The following OR9Q1 variants were observed in gnomAD, a reference collection of about 807,000 sequenced individuals.
OR9Q1 encodes olfactory receptor 9Q1.
For synonymous variants in OR9Q1, 153 were observed against 148.6 expected (o/e 1.03, Z -0.22); for missense variants, 374 against 378.8 (o/e 0.99, Z 0.11).
At chr11:58,077,299 A>G (rs1386561643) in intron 2 of OR9Q1, 5 of 152,226 alleles carry the variant, frequency 3.3e-5, no homozygotes, top group South Asian at 2.1e-4. Flanking sequence ...TCCTCCTTCA[A>G]TAGCTTAAGG....
intron 2 of OR9Q1, among the ~76,000 whole-genome samples, chr11:58,102,413 TC>T (rs910880742): frequency 2.0e-5 from 3 of 152,184 alleles, no homozygotes; most frequent in Non-Finnish European, 4.4e-5. Context: ...TCCTTTCACT[TC>T]CAGATGTAGG....
At chr11:58,120,488 C>G (rs1043262314) in intron 2 of OR9Q1, among the ~76,000 whole-genome samples, 2 of 151,562 alleles carry the variant, frequency 1.3e-5, no homozygotes, top group Non-Finnish European at 2.9e-5. Flanking sequence ...TTTTGGGGAA[C>G]AGTTGATATT....
chr11:58,149,153 C>T (rs563571098), intron 2 of OR9Q1, among the ~76,000 whole-genome samples: 12 of 152,074 alleles, frequency 7.9e-5, no homozygotes, highest in East Asian at 1.9e-4. Flanking sequence ...CTAATTCTAC[C>T]CTTACTAAAT....
chr11:58,091,059 C>G (rs1853679155), intron 2 of OR9Q1, among the ~76,000 whole-genome samples: 1 of 151,330 alleles, frequency 6.6e-6, no homozygotes, highest in South Asian at 2.1e-4. Context: ...AGTGAGTAGT[C>G]CATCTATTTT....
At chr11:58,140,710 T>C (rs574955277) in intron 2 of OR9Q1, among the ~76,000 whole-genome samples, 2 of 152,316 alleles carry the variant, frequency 1.3e-5, no homozygotes, top group South Asian at 4.1e-4. Context: ...TGGTTTGAAG[T>C]CAGGTAGCGT....
At chr11:58,037,694 T>G (rs1471317140) in intron 1 of OR9Q1, among the ~76,000 whole-genome samples, 364 of 6,236 alleles carry the variant, frequency 0.058, no homozygotes, top group African/African-American at 0.17. Flanking sequence ...TATATATTTT[T>G]TTTTTTTTTT....
chr11:58,145,453 C>T (rs1045908936), intron 2 of OR9Q1: 18 of 152,286 alleles, frequency 1.2e-4, no homozygotes, highest in African/African-American at 4.1e-4. Flanking sequence ...CCAGAAGTTT[C>T]TGCAAATCCT....
At chr11:58,032,232 T>A (rs1853048949) in intron 1 of OR9Q1, among the ~76,000 whole-genome samples, 1 of 152,090 alleles carries the variant, frequency 6.6e-6, no homozygotes, top group Non-Finnish European at 1.5e-5. Context: ...ATCAATGTCA[T>A]TTTTCACAGA....
At chr11:58,032,709 G>T (rs1447948926) in intron 1 of OR9Q1, among the ~76,000 whole-genome samples, 2 of 152,168 alleles carry the variant, frequency 1.3e-5, no homozygotes, top group Admixed American at 6.5e-5. Flanking sequence ...TCTTGGGAAA[G>T]AATTTATTAC....
At chr11:58,079,602 A>G (rs536012347) in intron 2 of OR9Q1, among the ~76,000 whole-genome samples, 1 of 152,232 alleles carries the variant, frequency 6.6e-6, no homozygotes, top group South Asian at 2.1e-4. Context: ...AAGTGATGTC[A>G]TGCCAGTTGT....
intron 2 of OR9Q1, chr11:58,109,557 A>G (rs767760476): frequency 2.2e-6 from 1 of 457,710 alleles, no homozygotes; most frequent in Middle Eastern, 3.3e-4. Flanking sequence ...AAGTGACAAG[A>G]TAGAAACTGA....
chr11:58,056,096 G>A (rs1307650317), intron 2 of OR9Q1, 149 bp downstream of exon 2: 1 of 152,116 alleles, frequency 6.6e-6, no homozygotes, highest in African/African-American at 2.4e-5. Context: ...ATGGCTATTT[G>A]CAATATGTAC....
At chr11:58,102,732 G>A (rs903241207) in intron 2 of OR9Q1, among the ~76,000 whole-genome samples, 2 of 152,024 alleles carry the variant, frequency 1.3e-5, no homozygotes, top group Non-Finnish European at 2.9e-5. Context: ...ACTAAAATGT[G>A]CTCCAGAGAG....
At chr11:58,141,477 C>T (rs1565088282) in intron 2 of OR9Q1, among the ~76,000 whole-genome samples, 2 of 152,078 alleles carry the variant, frequency 1.3e-5, no homozygotes, top group African/African-American at 4.8e-5. Context: ...TTGAGATAAT[C>T]ATATGGTTTT....
rs77174036 is a variant in OR9Q1, at chr11:58,145,846, T to A, written c.-14-33585T>A. ...ACAAAACAGTAACTCATTGTTTATA[T>A]AGTAAGGGGCAGTCACATTTTTGGT... is the stretch of plus-strand genomic sequence containing the variant. On this transcript the variant is annotated intron_variant, in intron 2 of 2. Transcript: ENST00000335397. Among the ~76,000 whole-genome samples the A allele has an allele frequency of 5.3e-3, 801 of 152,308 alleles. 4 individuals are homozygous for A. The highest frequency in any genetic ancestry group is 0.01 in the Middle Eastern group (3 of 294).
chr11:58,168,482 T>G (rs1489144386), intron 2 of OR9Q1, among the ~76,000 whole-genome samples: 1 of 152,228 alleles, frequency 6.6e-6, no homozygotes, highest in Admixed American at 6.5e-5. Flanking sequence ...AGGTCATATT[T>G]AATTTTTTTG....
chr11:58,039,880 C>T (rs1262147921), intron 1 of OR9Q1, among the ~76,000 whole-genome samples: 1 of 152,110 alleles, frequency 6.6e-6, no homozygotes, highest in Admixed American at 6.6e-5. Flanking sequence ...AAGGTTTTGC[C>T]ACTGGGTATG....
chr11:58,171,997 G>A (rs775573254), intron 2 of OR9Q1, among the ~76,000 whole-genome samples: 1 of 152,156 alleles, frequency 6.6e-6, no homozygotes, highest in African/African-American at 2.4e-5. Flanking sequence ...CAGCGACAGG[G>A]AAGGCTAACA....
intron 2 of OR9Q1, among the ~76,000 whole-genome samples, chr11:58,140,199 T>C (rs1387593459): frequency 6.6e-6 from 1 of 152,190 alleles, no homozygotes; most frequent in Non-Finnish European, 1.5e-5. Context: ...CTTTGTCAGT[T>C]GTGTAGATTG....
Sources: allele counts gnomAD v4.1 joint callset (sites outside exome capture counted in the v4.1 genomes callset), GRCh38; gene constraint gnomAD v4.1.1; transcripts MANE v1.5; gene names NCBI Gene and HGNC (gene_info 2026-07-23, HGNC 2026-07-21).